SEMA3A: variants seen among roughly 807,000 people sequenced by gnomAD.
The protein encoded by SEMA3A is semaphorin-3A.
A neutral mutation model predicts 97.9 loss-of-function variants in SEMA3A; 29 were observed. The observed-to-expected ratio is 0.30, with a 90% CI of 0.22 to 0.40. The LOEUF is 0.40. Among genes scored for constraint, SEMA3A ranks in the 10% least tolerant of loss-of-function variants. SEMA3A has a pLI of 1.00. For synonymous variants in SEMA3A, 321 were observed against 323.7 expected (o/e 0.99, Z 0.09); for missense variants, 763 against 951.3 (o/e 0.80, Z 2.60).
intron 4 of SEMA3A, among the ~76,000 whole-genome samples, chr7:84,106,408 T>A (rs1232676900): frequency 6.6e-6 from 1 of 152,156 alleles, no homozygotes; most frequent in Non-Finnish European, 1.5e-5. Flanking sequence ...CCATGTAGCC[T>A]AGGTATATAG....
rs1788452103 is a variant in SEMA3A at position 83,961,100 on chromosome 7, T to G, written c.*271A>C. On this transcript the variant is annotated 3_prime_UTR_variant, in exon 17 of 17. Coordinates refer to ENST00000265362, the MANE Select transcript of SEMA3A (RefSeq NM_006080.3). ...CAGGCAAAGAAGAAAGACAAACCTG[T>G]ACAGTGAAATCTCATAGGAAACATT... The G allele has an allele frequency of 4.4e-6, 2 of 450,238 alleles. No homozygotes were observed. The highest frequency in any genetic ancestry group is 8.1e-6 in the Non-Finnish European group (2 of 247,596). 27.9% of individuals were successfully genotyped at this position (450,238 alleles called of 1,614,324 possible).
At chr7:84,258,905 A>AT (rs200676381) in intron 3 of SEMA3A, among the ~76,000 whole-genome samples, 10,069 of 141,214 alleles carry the variant, frequency 0.071, 526 homozygotes, top group East Asian at 0.3. Flanking sequence ...AGAAGGGATG[A>AT]TTTTTTTTTT....
intron 2 of SEMA3A, among the ~76,000 whole-genome samples, chr7:84,331,688 T>C (rs764197226): frequency 2.6e-5 from 4 of 152,050 alleles, no homozygotes; most frequent in Admixed American, 6.6e-5. Context: ...GATCCAGATG[T>C]GGCTGCTGCT....
chr7:84,084,642 G>A (rs3801611), intron 4 of SEMA3A, among the ~76,000 whole-genome samples: 62,720 of 151,768 alleles, frequency 0.41, 14,833 homozygotes, highest in Non-Finnish European at 0.52. Flanking sequence ...ATGCCTAATG[G>A]CTAATTTGAA....
intron 1 of SEMA3A, among the ~76,000 whole-genome samples, chr7:84,413,331 A>G (rs1445525256): frequency 6.6e-6 from 1 of 152,174 alleles, no homozygotes; most frequent in Non-Finnish European, 1.5e-5. Context: ...GAAGTAGAAT[A>G]TACTGTAGAA....
chr7:84,146,895 T>A (rs1796477724), intron 1 of SEMA3A, among the ~76,000 whole-genome samples: 1 of 152,226 alleles, frequency 6.6e-6, no homozygotes, highest in Non-Finnish European at 1.5e-5. Flanking sequence ...TGATAAGTGC[T>A]CATTAAATAC....
chr7:84,166,881 CAAAAA>C (rs11476617), intron 1 of SEMA3A, among the ~76,000 whole-genome samples: 1 of 85,532 alleles, frequency 1.2e-5, no homozygotes, highest in Non-Finnish European at 2.3e-5. Flanking sequence ...TCCTCTGTCT[CAAAAA>C]AAAAAAAAAA....
Position 83,997,723 on chromosome 7 carries a change from C to A in SEMA3A, c.1452+4232G>T, listed in dbSNP as rs577738621. On this transcript the variant is annotated intron_variant, in intron 12 of 16. Coordinates refer to ENST00000265362, the MANE Select transcript of SEMA3A (RefSeq NM_006080.3). Reference sequence around the variant, plus strand: ...ATTATTAATTTACATTTAATTGTTACAGATTGATAATGAAATTTTTCTTTT... The same window carrying A: ...ATTATTAATTTACATTTAATTGTTAAAGATTGATAATGAAATTTTTCTTTT... Among the ~76,000 whole-genome samples the A allele has an allele frequency of 2.6e-5, 4 of 151,688 alleles. No individual in the cohort carries two copies. In the South Asian group the frequency reaches 6.2e-4, roughly 24 times the overall value.
At chr7:84,425,047 T>C (rs1294537343) in intron 1 of SEMA3A, among the ~76,000 whole-genome samples, 3 of 104,300 alleles carry the variant, frequency 2.9e-5, no homozygotes, top group Non-Finnish European at 5.1e-5. Context: ...TAATTATATA[T>C]AATTATATAA....
rs1201042305 is a variant in SEMA3A at position 84,053,712 on chromosome 7, A to C, written c.547+6753T>G. Among the ~76,000 whole-genome samples the C allele has an allele frequency of 4.7e-3, 709 of 150,012 alleles. 4 individuals are homozygous for C. Among genetic ancestry groups the C allele is most frequent in the African/African-American group, 0.016 (649 of 41,188 alleles). ...TAATTGGAGCATTTAGTCCATTTACATTTAAAGTTAATATTGTTATGTGTG... is the reference window on the plus strand; with the variant it reads ...TAATTGGAGCATTTAGTCCATTTACCTTTAAAGTTAATATTGTTATGTGTG... On this transcript the variant is annotated intron_variant, in intron 5 of 16. Coordinates refer to ENST00000265362, the MANE Select transcript of SEMA3A (RefSeq NM_006080.3).
At chr7:84,281,012 C>A (rs1430087250) in intron 3 of SEMA3A, among the ~76,000 whole-genome samples, 1 of 152,050 alleles carries the variant, frequency 6.6e-6, no homozygotes, top group African/African-American at 2.4e-5. Context: ...AATGCCATGG[C>A]TCCTTGCCAC....
chr7:84,403,359 G>A (rs141242445), intron 1 of SEMA3A, among the ~76,000 whole-genome samples: 26,622 of 152,242 alleles, frequency 0.17, 2,465 homozygotes, highest in Middle Eastern at 0.22. Flanking sequence ...AGGGGCACCT[G>A]CCATTGCCCA....
intron 2 of SEMA3A, among the ~76,000 whole-genome samples, chr7:84,311,098 A>T: frequency 6.6e-6 from 1 of 151,882 alleles, no homozygotes; most frequent in Non-Finnish European, 1.5e-5. Context: ...AAACAATCTT[A>T]TCTTTAAACA....
At chr7:84,183,269 T>C (rs1797782994) in intron 1 of SEMA3A, among the ~76,000 whole-genome samples, 1 of 152,132 alleles carries the variant, frequency 6.6e-6, no homozygotes, top group Non-Finnish European at 1.5e-5. Flanking sequence ...TTCAATGTTT[T>C]TGTCACTAGA....
At chr7:84,064,864 G>A (rs1793413881) in intron 4 of SEMA3A, among the ~76,000 whole-genome samples, 1 of 151,920 alleles carries the variant, frequency 6.6e-6, no homozygotes, top group African/African-American at 2.4e-5. Flanking sequence ...AGATCAACGA[G>A]ACAGAAAGTC....
At chr7:84,444,961 T>C (rs1398637544) in intron 1 of SEMA3A, among the ~76,000 whole-genome samples, 1 of 152,188 alleles carries the variant, frequency 6.6e-6, no homozygotes. Context: ...AATTAGATGT[T>C]TGCTCTTGCT....
chr7:84,131,108 T>A (rs1477499691), intron 2 of SEMA3A, among the ~76,000 whole-genome samples: 1 of 151,926 alleles, frequency 6.6e-6, no homozygotes. Flanking sequence ...GGGTTAATAA[T>A]AATAATAATA....
Position 84,194,573 on chromosome 7 carries a change from G to C in SEMA3A, c.14C>G (p.Thr5Ser), listed in dbSNP as rs1286412069. The C allele has an allele frequency of 2.5e-6, 4 of 1,609,316 alleles. No individual in the cohort carries two copies. Among genetic ancestry groups the C allele is most frequent in the Non-Finnish European group, 3.4e-6 (4 of 1,175,838 alleles). Residue 5 changes from threonine to serine, a missense_variant, in exon 1 of 17, where the codon ACT becomes AGT. Thr to Ser is a moderately conservative substitution (Grantham distance 58). Coordinates refer to ENST00000265362, the MANE Select transcript of SEMA3A (RefSeq NM_006080.3). Reference protein sequence around the residue: MGWLTRIVCLFWGVL... With the variant: MGWLSRIVCLFWGVL... ...TCCCCAGAAAAGACAGACAATCCTA[G>C]TTAACCAGCCCATGCTGCAGACGCT...
intron 3 of SEMA3A, among the ~76,000 whole-genome samples, chr7:84,271,933 G>A (rs1800161844): frequency 6.6e-6 from 1 of 151,892 alleles, no homozygotes. Context: ...TACTTCATAG[G>A]ATTTCTCTCA....
Sources: allele counts gnomAD v4.1 joint callset (sites outside exome capture counted in the v4.1 genomes callset), GRCh38; gene constraint gnomAD v4.1.1; transcripts MANE v1.5; gene names NCBI Gene and HGNC (gene_info 2026-07-23, HGNC 2026-07-21).